Variants in CGN observed in about 807,000 individuals in gnomAD.
The protein encoded by CGN is cingulin.
Under a neutral mutation model 157.1 loss-of-function variants are expected in CGN, and 121 were observed. The observed-to-expected ratio is 0.77, with a 90% CI of 0.66 to 0.90. CGN has a LOEUF of 0.90. CGN is among the 40% of genes least tolerant of loss of function. CGN has a pLI of 0.00. For missense variants in CGN, 1,424 were observed against 1,520.9 expected (o/e 0.94, Z 1.06); for synonymous variants, 535 against 607.5 (o/e 0.88, Z 1.76).
Position 151,532,579 on chromosome 1 carries a change from G to C in CGN, c.2742+7G>C. ...GAGCCGACTTCAGGATGAGGTAGAA[G>C]TCTAATATCCTTGGGTTTGAAGGTC... On this transcript the variant is annotated splice_region_variant and intron_variant, in intron 14 of 20. Transcript: ENST00000271636. The C allele has an allele frequency of 7.4e-7, 1 of 1,346,024 alleles. No homozygotes were observed. The allele number at this position is 1,346,024 out of a possible 1,614,324, so 83.4% of individuals were successfully genotyped here.
chr1:151,514,148 C>T (rs1213971209), intron 1 of CGN, among the ~76,000 whole-genome samples: 3 of 152,212 alleles, frequency 2.0e-5, no homozygotes, highest in African/African-American at 4.8e-5. Flanking sequence ...TCCCTTCAGC[C>T]CTCCTGGCCC....
Position 151,519,193 on chromosome 1 carries a change from A to C in CGN, c.674A>C (p.Glu225Ala), listed in dbSNP as rs1664484377. 3 of 1,614,070 alleles carry C rather than the reference A, an allele frequency of 1.9e-6. No homozygotes were observed. Among genetic ancestry groups the C allele is most frequent in the Non-Finnish European group, 2.5e-6 (3 of 1,180,038 alleles). ...LDSRLPRDTF[E>A]ERERQSTNHW... ...AGCCGCCTCCCACGGGACACCTTTG[A>C]GGAACGGGAGCGCCAGTCCACCAAC... The change falls in exon 2 of 21, where the codon GAG becomes GCG. Residue 225 changes from glutamate to alanine, a missense_variant. Glu to Ala is a moderately radical substitution (Grantham distance 107). Around this residue, in one of 3 missense-constraint regions of CGN, gnomAD observed 1,187 missense variants for 1,217.6 expected, o/e 0.97. Coordinates refer to ENST00000271636, the MANE Select transcript of CGN (RefSeq NM_020770.3).
rs1054390653 is a variant in CGN at position 151,511,690 on chromosome 1, C to CCCTA, written c.-15+178_-15+181dup. 1.3e-5 allele frequency among the ~76,000 whole-genome samples: 2 copies of CCCTA among 152,146 alleles called. No individual in the cohort carries two copies. The highest frequency in any genetic ancestry group is 4.8e-5 in the African/African-American group (2 of 41,422). ...GGTGGGGTACTGATTAAGAGCCGAC[C>CCCTA]CCTACCCTGAGGTGCCAGATGCAGG... On this transcript the variant is annotated intron_variant, in intron 1 of 20. Transcript: ENST00000271636. The surrounding 1 kb of genome is among the most constrained non-coding windows in gnomAD (Gnocchi z 4.8).
Position 151,520,397 on chromosome 1 carries a change from A to G in CGN, c.975-17A>G, listed in dbSNP as rs1207337569. On this transcript the variant is annotated splice_polypyrimidine_tract_variant and intron_variant, in intron 3 of 20. Coordinates refer to ENST00000271636, the MANE Select transcript of CGN (RefSeq NM_020770.3). ...CTTTCCTCCCCTAACCCTTGCTTCTATCCTTTTATCCTCTAGAAGCTCAGA... is the reference window on the plus strand; with the variant it reads ...CTTTCCTCCCCTAACCCTTGCTTCTGTCCTTTTATCCTCTAGAAGCTCAGA... 3 of 1,611,786 alleles carry G rather than the reference A, an allele frequency of 1.9e-6. No homozygotes were observed. The highest frequency in any genetic ancestry group is 2.5e-6 in the Non-Finnish European group (3 of 1,178,110).
At chr1:151,512,608 AG>A (rs1459735808) in intron 1 of CGN, among the ~76,000 whole-genome samples, 1 of 152,192 alleles carries the variant, frequency 6.6e-6, no homozygotes, top group Non-Finnish European at 1.5e-5. Context: ...ACAAGACTGG[AG>A]GCAAATTTCT....
At chr1:151,529,819 C>T in intron 11 of CGN, 90 bp from the exon 12 acceptor site, 1 of 1,258,610 alleles carries the variant, frequency 7.9e-7, no homozygotes, top group South Asian at 1.4e-5. Context: ...TTTGGGATGG[C>T]TTTCCTGGGT....
At chr1:151,514,392 A>G (rs899003102) in intron 1 of CGN, among the ~76,000 whole-genome samples, 6 of 152,164 alleles carry the variant, frequency 3.9e-5, no homozygotes, top group African/African-American at 1.2e-4. Context: ...AGAGCTGGCA[A>G]TCTAGGCACT....
At chr1:151,536,424 C>G (rs1664970669) in intron 19 of CGN, 79 bp downstream of exon 19, 2 of 821,538 alleles carry the variant, frequency 2.4e-6, no homozygotes, top group Non-Finnish European at 4.2e-6. Context: ...AAGGGAGGCC[C>G]TTATCTCCTA....
At chr1:151,522,418 A>G (rs2102491988) in intron 5 of CGN, among the ~76,000 whole-genome samples, 1 of 152,278 alleles carries the variant, frequency 6.6e-6, no homozygotes, top group African/African-American at 2.4e-5. Context: ...TGAGGTCAGG[A>G]GTTTGAGACC....
chr1:151,512,459 C>G lies in CGN; in HGVS notation c.-15+944C>G, dbSNP rs12082258. 2.3e-3 allele frequency among the ~76,000 whole-genome samples: 351 copies of G among 152,292 alleles called. 3 individuals are homozygous for G. The highest frequency in any genetic ancestry group is 6.1e-3 in the African/African-American group (254 of 41,558). Reference sequence around the variant, plus strand: ...AACGCCCTCCAGGCATCCCTGACTCCTGAACTGCGGTGGCTGTCAGAATGG... The same window carrying G: ...AACGCCCTCCAGGCATCCCTGACTCGTGAACTGCGGTGGCTGTCAGAATGG... On this transcript the variant is annotated intron_variant, in intron 1 of 20. Coordinates refer to ENST00000271636, the MANE Select transcript of CGN (RefSeq NM_020770.3).
chr1:151,527,934 C>CTATATATATATA (rs754988918), intron 10 of CGN: 1 of 167,672 alleles, frequency 6.0e-6, no homozygotes, highest in African/African-American at 3.8e-5. Context: ...CATGGCCACA[C>CTATATATATATA]TATATATATA....
At position 151,525,338 on chromosome 1, in the gene CGN, G is replaced by A. The variant is rs948833585; in HGVS notation, c.1615-304G>A. Among the ~76,000 whole-genome samples, 4 of 152,136 alleles carry A rather than the reference G, an allele frequency of 2.6e-5. No homozygotes were observed. The South Asian group carries it at 8.3e-4, about 31-fold the overall frequency. On this transcript the variant is annotated intron_variant, in intron 8 of 20. Coordinates refer to ENST00000271636, the MANE Select transcript of CGN (RefSeq NM_020770.3). ...CGCTTGAACCAAGGAAGCGGAGGTT[G>A]CAGTGAGCCGAGATCATGCCATTGC...
At chr1:151,519,415 C>T (rs988166498) in intron 2 of CGN, 23 bp downstream of exon 2, 29 of 1,543,934 alleles carry the variant, frequency 1.9e-5, no homozygotes, top group South Asian at 2.3e-5. Context: ...CCCTCCCTGA[C>T]TTCTAAATGT....
chr1:151,535,898 G>A lies in CGN; in HGVS notation c.3197G>A (p.Arg1066Lys). Reference protein sequence around the residue: ...LLQERLQAEEREKTVLQSTNR... With the variant: ...LLQERLQAEEKEKTVLQSTNR... Reference sequence around the variant, plus strand: ...CAGGAGCGGCTACAGGCTGAAGAGAGGTGACATAAGCCTATCCTTCCTCCC... The same window carrying A: ...CAGGAGCGGCTACAGGCTGAAGAGAAGTGACATAAGCCTATCCTTCCTCCC... The change falls in exon 18 of 21, where the codon AGG becomes AAG. Residue 1066 changes from arginine to lysine, a missense_variant and splice_region_variant. By Grantham distance (26) the Arg-to-Lys change is conservative. Coordinates refer to ENST00000271636, the MANE Select transcript of CGN (RefSeq NM_020770.3). 6.2e-7 allele frequency: 1 copy of A among 1,606,772 alleles called. No homozygotes were observed. Among genetic ancestry groups the A allele is most frequent in the Non-Finnish European group, 8.5e-7 (1 of 1,174,250 alleles).
In CGN at chr1:151,512,632, G is replaced by C. The variant is rs530811279; in HGVS notation, c.-15+1117G>C. Among the ~76,000 whole-genome samples the C allele has an allele frequency of 2.1e-4, 32 of 152,348 alleles. 1 individual carries two copies. In the South Asian group the frequency reaches 6.4e-3, roughly 31 times the overall value. ...GAGGCAAATTTCTTTGCCTTAGGCA[G>C]GTAAAGGAACTAGAGTCAACCTTAG... On this transcript the variant is annotated intron_variant, in intron 1 of 20. Transcript: ENST00000271636.
Position 151,534,074 on chromosome 1 carries a change from C to G in CGN, c.2842C>G (p.Gln948Glu). The stretch of plus-strand genomic sequence containing the variant: ...GGCCCAGCGACTGCAGGGGCTGGAG[C>G]AAGAGGCAGAGAACAAGAAGCGTTC... ...LLAQRLQGLEQEAENKKRSQD... is the reference protein window; with the variant it reads ...LLAQRLQGLEEEAENKKRSQD... Residue 948 changes from glutamine (Q) to glutamate (E), a missense_variant, in exon 15 of 21, where the codon CAA becomes GAA. By Grantham distance (29) the Gln-to-Glu change is conservative. This residue lies in a region of CGN where 1,187 missense variants were observed against 1,217.6 expected (regional missense o/e 0.97). Transcript: ENST00000271636. 2.5e-6 allele frequency: 4 copies of G among 1,613,332 alleles called. No individual in the cohort carries two copies. Among genetic ancestry groups the G allele is most frequent in the Non-Finnish European group, 3.4e-6 (4 of 1,179,688 alleles).
intron 5 of CGN, among the ~76,000 whole-genome samples, 174 bp from the exon 6 acceptor site, chr1:151,523,260 A>T (rs2102492574): frequency 6.6e-6 from 1 of 152,360 alleles, no homozygotes; most frequent in Admixed American, 6.5e-5. Context: ...TTACATCATC[A>T]CAAGTACCAA....
At chr1:151,516,950 A>G (rs1050133361) in intron 1 of CGN, among the ~76,000 whole-genome samples, 25 of 150,934 alleles carry the variant, frequency 1.7e-4, no homozygotes, top group Middle Eastern at 6.8e-3. Flanking sequence ...ACCTGAGGTC[A>G]GGAGTTTGAG....
At chr1:151,536,184 A>C in intron 18 of CGN, 53 bp from the exon 19 acceptor site, 1 of 1,166,238 alleles carries the variant, frequency 8.6e-7, no homozygotes, top group Non-Finnish European at 1.3e-6. Context: ...GGGCCAAGTT[A>C]GGATTCCCTT....
Sources: allele counts gnomAD v4.1 joint callset (sites outside exome capture counted in the v4.1 genomes callset), GRCh38; gene constraint gnomAD v4.1.1; regional missense constraint gnomAD v4.1.1; non-coding constraint Gnocchi (gnomAD v3.1); transcripts MANE v1.5; gene names NCBI Gene and HGNC (gene_info 2026-07-23, HGNC 2026-07-21).